The following VPS13A variants were observed in gnomAD, a reference collection of about 807,000 sequenced individuals.
The protein encoded by VPS13A is vacuolar protein sorting 13 homolog A, also known as intermembrane lipid transfer protein VPS13A.
Under a neutral mutation model 390.9 loss-of-function variants are expected in VPS13A, and 264 were observed. The ratio of observed to expected loss-of-function variants is 0.68; its 90% confidence interval spans 0.61 to 0.75. VPS13A has a LOEUF of 0.75. Among genes scored for constraint, VPS13A ranks in the 30% least tolerant of loss-of-function variants. The pLI, the probability that VPS13A is intolerant of heterozygous loss-of-function variation, is 0.00. For missense variants in VPS13A, 3,409 were observed against 3,733.9 expected (o/e 0.91, Z 2.27); for synonymous variants, 1,231 against 1,227.1 (o/e 1.00, Z -0.07).
chr9:77,257,179 G>T (rs1281653088), intron 22 of VPS13A, among the ~76,000 whole-genome samples: 2 of 151,452 alleles, frequency 1.3e-5, no homozygotes, highest in Non-Finnish European at 2.9e-5. Flanking sequence ...TATTTTCTTT[G>T]TGGTTACCAT....
chr9:77,318,673 T>C (rs569621423), intron 41 of VPS13A, 82 bp downstream of exon 41: 2 of 1,263,228 alleles, frequency 1.6e-6, no homozygotes, highest in East Asian at 2.3e-5. Context: ...TGGAATATTA[T>C]GGAATCTTGT....
chr9:77,352,065 AGTT>A (rs1307451595), intron 53 of VPS13A, among the ~76,000 whole-genome samples: 1 of 152,214 alleles, frequency 6.6e-6, no homozygotes, highest in Non-Finnish European at 1.5e-5. Context: ...TAAAGAATAA[AGTT>A]GTGTTTAGAG....
intron 17 of VPS13A, among the ~76,000 whole-genome samples, chr9:77,235,865 A>AT (rs1272268250): frequency 6.6e-6 from 1 of 152,036 alleles, no homozygotes; most frequent in Non-Finnish European, 1.5e-5. Flanking sequence ...TCAGCTTATG[A>AT]TTTTTTTGAT....
At chr9:77,384,182 A>T (rs934617912) in intron 68 of VPS13A, among the ~76,000 whole-genome samples, 2 of 151,754 alleles carry the variant, frequency 1.3e-5, no homozygotes, top group African/African-American at 4.8e-5. Flanking sequence ...TCTAAAAAAG[A>T]TGTATTCACT....
At chr9:77,370,389 C>A (rs770762242) in intron 64 of VPS13A, 26 bp from the exon 65 acceptor site, 1 of 1,614,128 alleles carries the variant, frequency 6.2e-7, no homozygotes, top group Non-Finnish European at 8.5e-7. Context: ...GGCATCATTA[C>A]TTTTACTAAA....
At chr9:77,317,561 T>C (rs774884440) in intron 39 of VPS13A, 45 bp from the exon 40 acceptor site, 2 of 1,387,134 alleles carry the variant, frequency 1.4e-6, no homozygotes, top group Non-Finnish European at 2.0e-6. Flanking sequence ...AGAAATATTT[T>C]TATATTTAAA....
At chr9:77,309,124 A>G (rs1828924939) in intron 35 of VPS13A, among the ~76,000 whole-genome samples, 1 of 152,220 alleles carries the variant, frequency 6.6e-6, no homozygotes, top group African/African-American at 2.4e-5. Context: ...TGAGAAGATA[A>G]TATAAGAAAT....
At chr9:77,367,438 A>C (rs1034835258) in intron 61 of VPS13A, among the ~76,000 whole-genome samples, 8 of 152,198 alleles carry the variant, frequency 5.3e-5, no homozygotes, top group African/African-American at 1.9e-4. Flanking sequence ...AGTCGTAAGA[A>C]TCAATAAGTC....
chr9:77,356,279 A>G (rs1831774329), intron 54 of VPS13A, among the ~76,000 whole-genome samples: 1 of 152,098 alleles, frequency 6.6e-6, no homozygotes, highest in Middle Eastern at 3.2e-3. Flanking sequence ...AAGGTTGCCA[A>G]AATCTCACTT....
chr9:77,263,094 T>C (rs2131300754), intron 23 of VPS13A, among the ~76,000 whole-genome samples: 1 of 151,262 alleles, frequency 6.6e-6, no homozygotes, highest in Admixed American at 6.7e-5. Context: ...CTCTAGCATC[T>C]GTTGTTTCCC....
chr9:77,213,834 A>T (rs969775328), intron 9 of VPS13A, among the ~76,000 whole-genome samples: 3 of 152,152 alleles, frequency 2.0e-5, no homozygotes, highest in Non-Finnish European at 4.4e-5. Context: ...CTCCTAGAAC[A>T]TTCTTTTATA....
chr9:77,368,104 C>T lies in VPS13A; in HGVS notation c.8521C>T (p.Gln2841Ter), dbSNP rs1328267176. Residue 2841 changes from glutamine (Q) to a stop codon, truncating the protein, a stop_gained, in exon 62 of 72, where the codon CAG (glutamine) becomes TAG (stop). Coordinates refer to ENST00000360280, the MANE Select transcript of VPS13A (RefSeq NM_033305.3). LOFTEE classifies it high-confidence loss of function. ...NYQFHTTSDL[Q>*]SEVIRHYSKQ... ...TCAGTTCCATACAACATCCGATCTACAGTCTGAAGTCATAAGACACTATTC... is the reference window on the plus strand; with the variant it reads ...TCAGTTCCATACAACATCCGATCTATAGTCTGAAGTCATAAGACACTATTC... 1.2e-6 allele frequency: 2 copies of T among 1,612,462 alleles called. No individual in the cohort carries two copies. The highest frequency in any genetic ancestry group is 1.7e-6 in the Non-Finnish European group (2 of 1,179,492).
At chr9:77,241,055 G>A (rs567499169) in intron 19 of VPS13A, among the ~76,000 whole-genome samples, 2 of 152,220 alleles carry the variant, frequency 1.3e-5, no homozygotes, top group South Asian at 4.1e-4. Flanking sequence ...ATGAATCTGA[G>A]TACTGGGATT....
chr9:77,335,533 G>T (rs2131492444), intron 46 of VPS13A, among the ~76,000 whole-genome samples: 1 of 152,270 alleles, frequency 6.6e-6, no homozygotes, highest in Admixed American at 6.5e-5. Context: ...CCATCAAAAA[G>T]TAGGTGAAGG....
rs368187073 is a variant in VPS13A at position 77,221,370 on chromosome 9, A to G, written c.1161+14A>G. The G allele has an allele frequency of 3.9e-5, 63 of 1,611,772 alleles. No homozygotes were observed. Among genetic ancestry groups the G allele is most frequent in the East Asian group, 2.5e-4 (11 of 44,802 alleles). On this transcript the variant is annotated intron_variant, in intron 13 of 71. Transcript: ENST00000360280. ...GTGTCTTTGGAGGTTAGCATTTAAA[A>G]TGAAATTGTTGAGTGTTTTATACTA...
At chr9:77,239,350 C>T (rs530732705) in intron 19 of VPS13A, among the ~76,000 whole-genome samples, 10 of 151,044 alleles carry the variant, frequency 6.6e-5, no homozygotes, top group Non-Finnish European at 1.5e-4. Context: ...ACCAGCCTGG[C>T]GACAGAGCAA....
chr9:77,244,396 G>A (rs1032862275), intron 19 of VPS13A, among the ~76,000 whole-genome samples: 2 of 151,982 alleles, frequency 1.3e-5, no homozygotes, highest in Non-Finnish European at 1.5e-5. Context: ...AGCCATTCTT[G>A]TGTCTTTCTG....
rs1321998057 is a variant in VPS13A at position 77,282,228 on chromosome 9, G to C, written c.3072G>C (p.Val1024=). 6.2e-7 allele frequency: 1 copy of C among 1,613,164 alleles called. No homozygotes were observed. Among genetic ancestry groups the C allele is most frequent in the East Asian group, 2.2e-5 (1 of 44,760 alleles). The change falls in exon 29 of 72, where the codon GTG becomes GTC. Residue 1024 remains valine (V), a synonymous_variant. Transcript: ENST00000360280. The stretch of plus-strand genomic sequence containing the variant: ...AATCAGAGGAAAAATCAGCCCCAGT[G>C]TCCACTACAGAGACTGAAGACAAAG... The part of the protein sequence containing the change: ...LPQSEEKSAP[V]STTETEDKGD...
chr9:77,382,776 G>C, intron 68 of VPS13A: 10 of 985,606 alleles, frequency 1.0e-5, no homozygotes, highest in Non-Finnish European at 1.2e-5. Context: ...GATTTGATAA[G>C]CAGTTCACAT....
Sources: gnomAD v4.1 joint callset for allele counts (sites outside exome capture counted in the v4.1 genomes callset) on GRCh38, gnomAD v4.1.1 for gene constraint, MANE v1.5 for transcripts, NCBI Gene and HGNC (gene_info 2026-07-23, HGNC 2026-07-21) for gene names.